The following UNC13C variants were observed in gnomAD, a reference collection of about 807,000 sequenced individuals.
UNC13C encodes protein unc-13 homolog C.
Under a neutral mutation model 245.4 loss-of-function variants are expected in UNC13C, and 174 were observed. That is an observed-to-expected ratio of 0.71 (90% CI 0.63 to 0.80). The LOEUF is 0.80. Ranked by LOEUF, UNC13C falls within the 30% of genes least tolerant of loss-of-function variation. The pLI is 0.00. For missense variants in UNC13C, 2,829 were observed against 2,602.9 expected, an observed-to-expected ratio of 1.09 and a Z score of -1.89; for synonymous variants, 992 against 895.1, an observed-to-expected ratio of 1.11 and a Z score of -1.93.
Position 54,393,044 on chromosome 15 carries a change from G to A in UNC13C, c.4714-4G>A, listed in dbSNP as rs1447913281. ...TTTTGCATGTTGCGTGAACTTGTGA[G>A]CAGAGTAAGAAACAGGATATTCCTC... On this transcript the variant is annotated splice_region_variant and splice_polypyrimidine_tract_variant and intron_variant, in intron 17 of 32. Coordinates refer to ENST00000260323, the MANE Select transcript of UNC13C (RefSeq NM_001080534.3). 9 of 1,588,942 alleles carry A rather than the reference G, an allele frequency of 5.7e-6. No individual in the cohort carries two copies. Among genetic ancestry groups the A allele is most frequent in the Non-Finnish European group, 7.7e-6 (9 of 1,171,074 alleles).
At chr15:54,309,452 G>C (rs1288469352) in intron 13 of UNC13C, among the ~76,000 whole-genome samples, 1 of 151,638 alleles carries the variant, frequency 6.6e-6, no homozygotes, top group Non-Finnish European at 1.5e-5. Flanking sequence ...CACATTGTAG[G>C]GTGGCTCCTC....
intron 4 of UNC13C, among the ~76,000 whole-genome samples, chr15:54,175,400 C>A (rs1436016041): frequency 6.6e-6 from 1 of 151,930 alleles, no homozygotes; most frequent in Non-Finnish European, 1.5e-5. Flanking sequence ...CCCACCATAA[C>A]TATAAAACAG....
intron 14 of UNC13C, among the ~76,000 whole-genome samples, chr15:54,329,090 T>G (rs1276572695): frequency 6.6e-6 from 1 of 151,358 alleles, no homozygotes; most frequent in South Asian, 2.1e-4. Context: ...AGTTTTTTTT[T>G]TTTTTTTTTT....
At chr15:54,605,065 C>A (rs1427122902) in intron 30 of UNC13C, among the ~76,000 whole-genome samples, 1 of 152,152 alleles carries the variant, frequency 6.6e-6, no homozygotes, top group Non-Finnish European at 1.5e-5. Context: ...AGTTTATTCC[C>A]AGCTTGGAGT....
the UNC13C span, among the ~76,000 whole-genome samples, chr15:53,943,085 T>C: frequency 3.3e-5 from 5 of 152,346 alleles, no homozygotes; most frequent in South Asian, 6.2e-4. Flanking sequence ...CTTTAATCAC[T>C]GGAATTGATT....
chr15:54,595,249 C>T (rs1367582984), intron 30 of UNC13C, among the ~76,000 whole-genome samples: 1 of 151,988 alleles, frequency 6.6e-6, no homozygotes, highest in Non-Finnish European at 1.5e-5. Context: ...GTTATGCTCT[C>T]GGGGCCTAAG....
intron 4 of UNC13C, among the ~76,000 whole-genome samples, chr15:54,149,169 G>T (rs2032411728): frequency 6.6e-6 from 1 of 152,122 alleles, no homozygotes; most frequent in Non-Finnish European, 1.5e-5. Context: ...CTTCTACCAG[G>T]ATTTTACATT....
At chr15:54,367,653 T>G (rs2039394172) in intron 17 of UNC13C, among the ~76,000 whole-genome samples, 1 of 152,164 alleles carries the variant, frequency 6.6e-6, no homozygotes, top group Non-Finnish European at 1.5e-5. Flanking sequence ...ATCCAACAAA[T>G]TATAGCATAA....
chr15:54,453,040 C>A (rs1891268387), intron 19 of UNC13C, among the ~76,000 whole-genome samples: 1 of 152,140 alleles, frequency 6.6e-6, no homozygotes, highest in Non-Finnish European at 1.5e-5. Flanking sequence ...CTCAAAATGG[C>A]ACCATTTTGT....
At chr15:53,877,657 CT>C in the UNC13C span, among the ~76,000 whole-genome samples, 2 of 151,858 alleles carry the variant, frequency 1.3e-5, no homozygotes, top group Non-Finnish European at 2.9e-5. Flanking sequence ...GAAAGTTGAC[CT>C]TTTACAAAAC....
intron 2 of UNC13C, among the ~76,000 whole-genome samples, chr15:54,025,343 T>C (rs1191449446): frequency 6.6e-6 from 1 of 152,250 alleles, no homozygotes; most frequent in Non-Finnish European, 1.5e-5. Context: ...TTAAGAACCC[T>C]AGAAGGTGTG....
chr15:54,169,350 A>AG (rs774907337), intron 4 of UNC13C, among the ~76,000 whole-genome samples: 2 of 152,160 alleles, frequency 1.3e-5, no homozygotes, highest in Non-Finnish European at 2.9e-5. Flanking sequence ...CCTTTCCAGA[A>AG]TCCAACCTCT....
rs184637364 is a variant in UNC13C, at chr15:54,286,945, G to T, written c.3819-6950G>T. Among the ~76,000 whole-genome samples the T allele has an allele frequency of 2.0e-5, 3 of 152,104 alleles. No homozygotes were observed. In the East Asian group the frequency reaches 5.8e-4, roughly 29 times the overall value. On this transcript the variant is annotated intron_variant, in intron 10 of 32. Transcript: ENST00000260323. ...TGAAAACATTTAAAATTAGAAATAT[G>T]AATCACTCTTTAAGAAGAGAATTAT... is the stretch of plus-strand genomic sequence containing the variant.
the UNC13C span, among the ~76,000 whole-genome samples, chr15:53,936,427 G>A: frequency 6.6e-6 from 1 of 152,100 alleles, no homozygotes; most frequent in Non-Finnish European, 1.5e-5. Flanking sequence ...CTGCAGTTCA[G>A]CTGACTTACC....
chr15:54,385,123 G>A lies in UNC13C; in HGVS notation c.4714-7925G>A, dbSNP rs185286087. On this transcript the variant is annotated intron_variant, in intron 17 of 32. Transcript: ENST00000260323. ...AACTACCATAGAATATAGCAATCCC[G>A]CTACTGGGAAACATGTACTCATGTA... 4.7e-4 allele frequency among the ~76,000 whole-genome samples: 71 copies of A among 152,054 alleles called. 1 individual carries two copies. The Middle Eastern group carries it at 0.014, about 29-fold the overall frequency.
At chr15:54,171,538 C>G (rs1299282416) in intron 4 of UNC13C, among the ~76,000 whole-genome samples, 1 of 152,026 alleles carries the variant, frequency 6.6e-6, no homozygotes, top group Non-Finnish European at 1.5e-5. Flanking sequence ...AAATGCAAAT[C>G]AAAACTACAA....
At chr15:54,300,476 G>T (rs1287960497) in intron 13 of UNC13C, 103 bp downstream of exon 13, 1 of 1,173,326 alleles carries the variant, frequency 8.5e-7, no homozygotes, top group East Asian at 2.6e-5. Context: ...TGATTAAAAA[G>T]AGGATTATAT....
chr15:54,043,082 A>C (rs769855704), intron 2 of UNC13C, among the ~76,000 whole-genome samples: 1 of 152,148 alleles, frequency 6.6e-6, no homozygotes, highest in African/African-American at 2.4e-5. Context: ...CCAGGACTCT[A>C]CTAAAATAAG....
intron 19 of UNC13C, among the ~76,000 whole-genome samples, chr15:54,460,941 G>A (rs560092863): frequency 5.9e-5 from 9 of 151,808 alleles, no homozygotes; most frequent in Non-Finnish European, 1.0e-4. Flanking sequence ...CTTATTGTTT[G>A]TTTATATTTT....
Sources: allele counts gnomAD v4.1 joint callset (sites outside exome capture counted in the v4.1 genomes callset), GRCh38; gene constraint gnomAD v4.1.1; transcripts MANE v1.5; gene names NCBI Gene and HGNC (gene_info 2026-07-23, HGNC 2026-07-21).